Variants in RGS7 observed in about 807,000 individuals in gnomAD.
The protein encoded by RGS7 is regulator of G-protein signaling 7.
A neutral mutation model predicts 81.1 loss-of-function variants in RGS7; 27 were observed. The observed-to-expected ratio is 0.33, with a 90% CI of 0.25 to 0.46. The LOEUF (loss-of-function observed/expected upper bound fraction) is 0.46. RGS7 is among the 20% of genes least tolerant of loss of function. The probability of loss-of-function intolerance (pLI) is 1.00; values close to 1 mark genes in which losing one functional copy is unlikely to be tolerated. For missense variants in RGS7, 396 were observed against 607.4 expected (o/e 0.65, Z 3.66); for synonymous variants, 208 against 207.7 (o/e 1.00, Z -0.01).
chr1:241,274,699 TA>T (rs1427363111), intron 2 of RGS7, among the ~76,000 whole-genome samples: 2 of 152,198 alleles, frequency 1.3e-5, no homozygotes, highest in African/African-American at 4.8e-5. Context: ...TTTCCAGGTT[TA>T]AAATGAATAC....
At chr1:240,979,082 A>G (rs1234974001) in intron 4 of RGS7, among the ~76,000 whole-genome samples, 1 of 152,226 alleles carries the variant, frequency 6.6e-6, no homozygotes, top group Non-Finnish European at 1.5e-5. Flanking sequence ...TCTAGGCAGG[A>G]TAAAAAATCA....
chr1:240,955,569 A>AAAAAAAAAC, intron 4 of RGS7, among the ~76,000 whole-genome samples: 1 of 3,888 alleles, frequency 2.6e-4, no homozygotes, highest in African/African-American at 4.9e-4. Context: ...AAAAAAAAAA[A>AAAAAAAAAC]AAAAAAAAAA....
chr1:241,001,591 C>T (rs1688146647), intron 3 of RGS7, among the ~76,000 whole-genome samples: 1 of 152,140 alleles, frequency 6.6e-6, no homozygotes. Context: ...GACAACAAAA[C>T]ATCATTGAGT....
chr1:241,222,656 A>T (rs1293133828), intron 2 of RGS7, among the ~76,000 whole-genome samples: 1 of 152,186 alleles, frequency 6.6e-6, no homozygotes, highest in Non-Finnish European at 1.5e-5. Context: ...ACTCTTCCAT[A>T]AATATTATGA....
chr1:240,827,004 A>G, intron 10 of RGS7, 94 bp downstream of exon 10: 1 of 1,002,300 alleles, frequency 1.0e-6, no homozygotes, highest in Non-Finnish European at 1.6e-6. Flanking sequence ...TGGGAAAGAT[A>G]CTGCATGACA....
chr1:240,998,562 G>C, intron 3 of RGS7: 2 of 839,826 alleles, frequency 2.4e-6, no homozygotes, highest in East Asian at 2.5e-5. Flanking sequence ...AGAAGCTCCT[G>C]CTGGTACAGA....
chr1:241,305,388 G>A (rs1427079302), intron 2 of RGS7, among the ~76,000 whole-genome samples: 1 of 152,150 alleles, frequency 6.6e-6, no homozygotes, highest in African/African-American at 2.4e-5. Flanking sequence ...CGCCACTGTT[G>A]CTAATAAGCA....
At chr1:241,339,295 G>A (rs190316227) in intron 2 of RGS7, among the ~76,000 whole-genome samples, 5 of 152,244 alleles carry the variant, frequency 3.3e-5, no homozygotes, top group Admixed American at 2.6e-4. Context: ...TCACTGATGG[G>A]CATTTGGGTT....
At chr1:241,210,973 C>G (rs1363983854) in intron 2 of RGS7, among the ~76,000 whole-genome samples, 1 of 152,150 alleles carries the variant, frequency 6.6e-6, no homozygotes, top group Non-Finnish European at 1.5e-5. Context: ...ACCTGTACTT[C>G]TAAGTGTTTC....
At chr1:241,042,702 G>C (rs2060689958) in intron 3 of RGS7, among the ~76,000 whole-genome samples, 1 of 152,146 alleles carries the variant, frequency 6.6e-6, no homozygotes, top group Admixed American at 6.5e-5. Flanking sequence ...CACTTTGGGA[G>C]GCCAGGGCAG....
Position 241,144,967 on chromosome 1 carries a change from G to A in RGS7, c.79-46205C>T, listed in dbSNP as rs578112378. Among the ~76,000 whole-genome samples, 1 of 146,572 alleles carries A rather than the reference G, an allele frequency of 6.8e-6. No homozygotes were observed. The highest frequency in any genetic ancestry group is 1.5e-5 in the Non-Finnish European group (1 of 67,422). On this transcript the variant is annotated intron_variant, in intron 2 of 18. Transcript: ENST00000440928. This position sits in a 1 kb window ranked among gnomAD's most constrained non-coding sequence, Gnocchi z 4.7. ...TGTGTGTGTGTGTGTGTGTGTGTTC[G>A]TGTTCATTCTTCCTGTTCCTGTTTT...
intron 2 of RGS7, among the ~76,000 whole-genome samples, chr1:241,301,527 A>G (rs1199182865): frequency 6.6e-6 from 1 of 152,222 alleles, no homozygotes; most frequent in Non-Finnish European, 1.5e-5. Flanking sequence ...TGGTAGAGAG[A>G]GCAGCATGTT....
intron 2 of RGS7, among the ~76,000 whole-genome samples, chr1:241,143,211 C>G (rs1264016594): frequency 1.3e-5 from 2 of 152,212 alleles, no homozygotes; most frequent in African/African-American, 2.4e-5. Flanking sequence ...TCTGAGCCCT[C>G]CAAACTATTC....
chr1:241,328,085 A>G (rs1419160747), intron 2 of RGS7, among the ~76,000 whole-genome samples: 1 of 152,192 alleles, frequency 6.6e-6, no homozygotes, highest in Non-Finnish European at 1.5e-5. Context: ...ATTTTTATGA[A>G]GTCAGGATTG....
At chr1:241,157,661 G>A (rs1479216288) in intron 2 of RGS7, among the ~76,000 whole-genome samples, 1 of 152,074 alleles carries the variant, frequency 6.6e-6, no homozygotes, top group African/African-American at 2.4e-5. Flanking sequence ...AATCTGGCCT[G>A]CCATCAGATT....
At chr1:241,187,362 G>C (rs2103345996) in intron 2 of RGS7, among the ~76,000 whole-genome samples, 1 of 152,208 alleles carries the variant, frequency 6.6e-6, no homozygotes, top group East Asian at 1.9e-4. Context: ...AGTGATAAAT[G>C]ACTTATTCAA....
intron 2 of RGS7, among the ~76,000 whole-genome samples, chr1:241,244,611 T>C (rs958364505): frequency 1.8e-4 from 27 of 152,158 alleles, no homozygotes; most frequent in Non-Finnish European, 3.7e-4. Context: ...ACTGGGTATA[T>C]ACGCAAAGGA....
intron 3 of RGS7, among the ~76,000 whole-genome samples, chr1:241,061,916 G>A (rs1293102653): frequency 6.6e-6 from 1 of 152,164 alleles, no homozygotes; most frequent in Non-Finnish European, 1.5e-5. Flanking sequence ...CTACCTAGCT[G>A]CAAGCTCCAT....
At chr1:241,307,676 T>A (rs2080259172) in intron 2 of RGS7, among the ~76,000 whole-genome samples, 1 of 152,066 alleles carries the variant, frequency 6.6e-6, no homozygotes, top group South Asian at 2.1e-4. Flanking sequence ...CACACGAACG[T>A]CTCCACCATT....
Sources: allele counts gnomAD v4.1 joint callset (sites outside exome capture counted in the v4.1 genomes callset), GRCh38; gene constraint gnomAD v4.1.1; non-coding constraint Gnocchi (gnomAD v3.1); transcripts MANE v1.5; gene names NCBI Gene and HGNC (gene_info 2026-07-23, HGNC 2026-07-21).